The following GRID1 variants were observed in gnomAD, a reference collection of about 807,000 sequenced individuals.
The protein encoded by GRID1 is glutamate receptor ionotropic, delta-1.
Under a neutral mutation model 98.0 loss-of-function variants are expected in GRID1, and 28 were observed. That is an observed-to-expected ratio of 0.29 (90% CI 0.21 to 0.39). GRID1 has a LOEUF of 0.39. Ranked by LOEUF, GRID1 falls within the 10% of genes least tolerant of loss-of-function variation. The pLI is 1.00. For synonymous variants in GRID1, 553 were observed against 538.5 expected (o/e 1.03, Z -0.37); for missense variants, 1,111 against 1,340.5 (o/e 0.83, Z 2.67).
At chr10:85,988,997 A>G (rs1842645320) in intron 4 of GRID1, among the ~76,000 whole-genome samples, 1 of 152,192 alleles carries the variant, frequency 6.6e-6, no homozygotes, top group African/African-American at 2.4e-5. Flanking sequence ...AATGTGGACA[A>G]GAGCTTTTTG....
chr10:86,287,831 G>T (rs1201494457), intron 2 of GRID1, among the ~76,000 whole-genome samples: 1 of 151,736 alleles, frequency 6.6e-6, no homozygotes, highest in Non-Finnish European at 1.5e-5. Flanking sequence ...GAGATTTTCT[G>T]TGGTTTCCTA....
intron 12 of GRID1, among the ~76,000 whole-genome samples, chr10:85,711,022 G>A (rs1841576530): frequency 6.6e-6 from 1 of 152,030 alleles, no homozygotes; most frequent in South Asian, 2.1e-4. Flanking sequence ...GTGCATTGCT[G>A]GTGGGAATGT....
At chr10:85,868,503 G>T (rs951642714) in intron 6 of GRID1, among the ~76,000 whole-genome samples, 5 of 152,170 alleles carry the variant, frequency 3.3e-5, no homozygotes, top group Non-Finnish European at 2.9e-5. Flanking sequence ...TCCATGTTAT[G>T]GTCCTGCTGT....
intron 12 of GRID1, among the ~76,000 whole-genome samples, chr10:85,656,862 C>T (rs1840903314): frequency 6.6e-6 from 1 of 152,164 alleles, no homozygotes; most frequent in Non-Finnish European, 1.5e-5. Flanking sequence ...TACAGCTATT[C>T]CCTAGGAAGG....
intron 8 of GRID1, among the ~76,000 whole-genome samples, chr10:85,752,092 G>A (rs144844318): frequency 7.6e-4 from 116 of 152,220 alleles, no homozygotes; most frequent in African/African-American, 2.7e-3. Context: ...AGAAAGAGTC[G>A]ATGACCCTCT....
chr10:85,787,716 C>T (rs372038257), intron 8 of GRID1, among the ~76,000 whole-genome samples: 1 of 152,210 alleles, frequency 6.6e-6, no homozygotes, highest in Non-Finnish European at 1.5e-5. Flanking sequence ...TGCCCAGTTG[C>T]ATCCCCACCA....
At chr10:85,963,708 A>G (rs1842300791) in intron 4 of GRID1, among the ~76,000 whole-genome samples, 1 of 152,198 alleles carries the variant, frequency 6.6e-6, no homozygotes, top group Non-Finnish European at 1.5e-5. Flanking sequence ...TAGCCACTAC[A>G]TTCCTTGAGC....
chr10:86,071,472 T>C (rs1361457607), intron 4 of GRID1, among the ~76,000 whole-genome samples: 2 of 152,238 alleles, frequency 1.3e-5, no homozygotes, highest in African/African-American at 2.4e-5. Flanking sequence ...TGCAACGTGA[T>C]ATAGCGTGAG....
At chr10:86,053,843 C>T (rs1338390060) in intron 4 of GRID1, among the ~76,000 whole-genome samples, 1 of 152,222 alleles carries the variant, frequency 6.6e-6, no homozygotes, top group African/African-American at 2.4e-5. Flanking sequence ...TGGGCACACA[C>T]ATGCTCATAT....
chr10:85,887,261 G>A (rs1295955154), intron 5 of GRID1, among the ~76,000 whole-genome samples: 2 of 152,170 alleles, frequency 1.3e-5, no homozygotes, highest in African/African-American at 2.4e-5. Context: ...GAGAGGGTGG[G>A]AGACAAAGCT....
intron 8 of GRID1, among the ~76,000 whole-genome samples, chr10:85,782,963 G>C (rs1842393957): frequency 1.3e-5 from 2 of 152,262 alleles, no homozygotes; most frequent in South Asian, 2.1e-4. Context: ...ATAAACTACA[G>C]CCAGAACGGC....
chr10:86,366,231 G>C lies in GRID1; in HGVS notation c.79+83C>G. 1 of 1,006,032 alleles carries C rather than the reference G, an allele frequency of 9.9e-7. No individual in the cohort carries two copies. Among genetic ancestry groups the C allele is most frequent in the Non-Finnish European group, 1.4e-6 (1 of 717,612 alleles). The allele number at this position is 1,006,032 out of a possible 1,614,324, so 62.3% of individuals were successfully genotyped here. A position where few individuals can be genotyped will look rare whatever the true frequency, so the allele number is the denominator to read the frequency against. On this transcript the variant is annotated intron_variant, in intron 1 of 15. Coordinates refer to ENST00000327946, the MANE Select transcript of GRID1 (RefSeq NM_017551.3). The surrounding 1 kb of genome is among the most constrained non-coding windows in gnomAD (Gnocchi z 4.1). ...CGCCCGCCGAGCCCCTCGGCCCAGG[G>C]AAACGCCAAGTTTGGACGCCGCGCA...
chr10:86,207,090 A>G (rs1164344042), intron 2 of GRID1, among the ~76,000 whole-genome samples: 2 of 152,216 alleles, frequency 1.3e-5, no homozygotes, highest in Non-Finnish European at 2.9e-5. Context: ...GGCAGAGAAT[A>G]TACTGTGTGT....
chr10:86,189,584 A>G (rs979411428), intron 3 of GRID1, among the ~76,000 whole-genome samples: 2 of 152,138 alleles, frequency 1.3e-5, no homozygotes, highest in African/African-American at 4.8e-5. Flanking sequence ...ACAACTTTAT[A>G]GATCCCTGAC....
In GRID1 at chr10:85,703,010, G is replaced by C. The variant is rs185376682; in HGVS notation, c.1997+19993C>G. Among the ~76,000 whole-genome samples, 14 of 151,710 alleles carry C rather than the reference G, an allele frequency of 9.2e-5. No individual in the cohort carries two copies. The East Asian group carries it at 2.7e-3, about 29-fold the overall frequency. ...GGAAATAAGGAGATGAAGAAAAGAG[G>C]GGAGAAGAGAGAAAGTTGTGAGGGG... On this transcript the variant is annotated intron_variant, in intron 12 of 15. Coordinates refer to ENST00000327946, the MANE Select transcript of GRID1 (RefSeq NM_017551.3).
rs894454125 is a variant in GRID1 at position 85,819,974 on chromosome 10, G to T, written c.1233+34522C>A. Among the ~76,000 whole-genome samples, 4 of 47,526 alleles carry T rather than the reference G, an allele frequency of 8.4e-5. No homozygotes were observed. In the East Asian group the frequency reaches 1.9e-3, roughly 23 times the overall value. The allele number at this position is 47,526 out of a possible 152,430, so 31.2% of individuals were successfully genotyped here. ...GGAAGGGAGAGAAAGAGAGAGGAAG[G>T]AAGGAAGGAAGGAAGGAAGGAAGGA... On this transcript the variant is annotated intron_variant, in intron 8 of 15. Transcript: ENST00000327946.
At chr10:85,744,199 A>G (rs1246787393) in intron 8 of GRID1, among the ~76,000 whole-genome samples, 1 of 152,174 alleles carries the variant, frequency 6.6e-6, no homozygotes, top group Non-Finnish European at 1.5e-5. Flanking sequence ...AAGACCTTCT[A>G]TAGTCTTAAA....
intron 12 of GRID1, among the ~76,000 whole-genome samples, chr10:85,672,747 T>C (rs949974377): frequency 6.6e-6 from 1 of 152,204 alleles, no homozygotes; most frequent in Non-Finnish European, 1.5e-5. Flanking sequence ...TTATTGCTCA[T>C]TGACAAGCAC....
At position 85,602,427 on chromosome 10, in the gene GRID1, G is replaced by T. The variant is rs777631027; in HGVS notation, c.2876C>A (p.Ala959Glu). Reference sequence around the variant, plus strand: ...TTTGCACTGCATGGAGGGCATGGTCGCCGAGCTGCTCAGCGGCAGCGGCAG... The same window carrying T: ...TTTGCACTGCATGGAGGGCATGGTCTCCGAGCTGCTCAGCGGCAGCGGCAG... ...SNLPLPLSSS[A>E]TMPSMQCKHR... Residue 959 changes from alanine (A) to glutamate (E), a missense_variant, in exon 16 of 16, where the codon GCG becomes GAG. Around this residue, in one of 3 missense-constraint regions of GRID1, gnomAD observed 762 missense variants for 869.1 expected, o/e 0.88. Coordinates refer to ENST00000327946, the MANE Select transcript of GRID1 (RefSeq NM_017551.3). The T allele has an allele frequency of 6.2e-7, 1 of 1,614,096 alleles. No individual in the cohort carries two copies. Among genetic ancestry groups the T allele is most frequent in the African/African-American group, 1.3e-5 (1 of 75,062 alleles).
Sources: allele counts gnomAD v4.1 joint callset (sites outside exome capture counted in the v4.1 genomes callset), GRCh38; gene constraint gnomAD v4.1.1; regional missense constraint gnomAD v4.1.1; non-coding constraint Gnocchi (gnomAD v3.1); transcripts MANE v1.5; gene names NCBI Gene and HGNC (gene_info 2026-07-23, HGNC 2026-07-21).